Variants in DSTYK observed in about 807,000 individuals in gnomAD.
DSTYK encodes RIP-homologous kinase.
DSTYK carries 34 observed loss-of-function variants against 98.7 expected under a neutral mutation model. The ratio of observed to expected loss-of-function variants is 0.34; its 90% CI spans 0.26 to 0.46. The LOEUF is 0.46. Ranked by LOEUF, DSTYK falls within the 20% of genes least tolerant of loss-of-function variation. DSTYK has a pLI of 1.00. For synonymous variants in DSTYK, 462 were observed against 457.3 expected (o/e 1.01, Z -0.13); for missense variants, 962 against 1,181.7 (o/e 0.81, Z 2.73).
chr1:205,149,576 G>A (rs531621520), intron 11 of DSTYK, among the ~76,000 whole-genome samples: 8 of 152,168 alleles, frequency 5.3e-5, no homozygotes, highest in Admixed American at 2.6e-4. Context: ...AATTTCTCAC[G>A]TTTGTTTGTT....
At chr1:205,190,509 G>A (rs1458605758) in intron 1 of DSTYK, among the ~76,000 whole-genome samples, 1 of 151,590 alleles carries the variant, frequency 6.6e-6, no homozygotes, top group Non-Finnish European at 1.5e-5. Context: ...CCAGCTACTC[G>A]GGAGACTGAG....
chr1:205,209,426 C>T (rs1325489877), intron 1 of DSTYK, among the ~76,000 whole-genome samples: 1 of 152,106 alleles, frequency 6.6e-6, no homozygotes, highest in Admixed American at 6.6e-5. Flanking sequence ...TACTGGTTCT[C>T]TCTACAAGTC....
chr1:205,159,277 C>T (rs528398759), intron 9 of DSTYK, among the ~76,000 whole-genome samples: 10 of 152,148 alleles, frequency 6.6e-5, no homozygotes, highest in Middle Eastern at 3.4e-3. Flanking sequence ...TTTATAGAGA[C>T]GAAGTCTCCC....
chr1:205,171,394 T>C (rs1199218454), intron 2 of DSTYK, among the ~76,000 whole-genome samples: 2 of 146,076 alleles, frequency 1.4e-5, no homozygotes, highest in Non-Finnish European at 3.0e-5. Flanking sequence ...GAGGTTGCAG[T>C]GAGCTGAGAT....
intron 2 of DSTYK, among the ~76,000 whole-genome samples, chr1:205,170,167 G>A (rs1658017063): frequency 6.6e-6 from 1 of 152,184 alleles, no homozygotes; most frequent in Admixed American, 6.5e-5. Flanking sequence ...GACAAATAAT[G>A]GAAGAAAAAG....
intron 1 of DSTYK, among the ~76,000 whole-genome samples, chr1:205,194,355 C>G (rs1384064899): frequency 6.6e-6 from 1 of 152,090 alleles, no homozygotes; most frequent in Non-Finnish European, 1.5e-5. Flanking sequence ...AAGGTACAGT[C>G]TATGTCCAAG....
At position 205,145,094 on chromosome 1, in the gene DSTYK, C is replaced by T. The variant is rs1657184477; in HGVS notation, c.*2464G>A. 1 of 152,254 alleles carries T rather than the reference C, an allele frequency of 6.6e-6. No individual in the cohort carries two copies. The highest frequency in any genetic ancestry group is 1.5e-5 in the Non-Finnish European group (1 of 68,060). The allele number at this position is 152,254 out of a possible 1,614,324, so 9.4% of individuals were successfully genotyped here. On this transcript the variant is annotated 3_prime_UTR_variant, in exon 13 of 13. Transcript: ENST00000367162. ...TCCAGCAAGTAGAGAGTACTTACCC[C>T]TCCTTTCTTGACACCTGACTCCCTT...
rs1005902649 is a variant in DSTYK at position 205,162,866 on chromosome 1, T to C, written c.1641+57A>G. Reference sequence around the variant, plus strand: ...TATCTGTTTCCTACTGGGGTCACTATGATTCATTTGAGCCAACTAGGGGCT... The same window carrying C: ...TATCTGTTTCCTACTGGGGTCACTACGATTCATTTGAGCCAACTAGGGGCT... On this transcript the variant is annotated intron_variant, in intron 5 of 12. Coordinates refer to ENST00000367162, the MANE Select transcript of DSTYK (RefSeq NM_015375.3). The C allele has an allele frequency of 2.8e-5, 36 of 1,298,054 alleles. No homozygotes were observed. In the African/African-American group the frequency reaches 4.8e-4, roughly 17 times the overall value. The allele number at this position is 1,298,054 out of a possible 1,614,324, so 80.4% of individuals were successfully genotyped here. A position where few individuals can be genotyped will look rare whatever the true frequency, so the allele number is the denominator to read the frequency against.
chr1:205,201,613 G>T (rs1241307101), intron 1 of DSTYK, among the ~76,000 whole-genome samples: 1 of 152,094 alleles, frequency 6.6e-6, no homozygotes, highest in South Asian at 2.1e-4. Flanking sequence ...TCCACCAGCT[G>T]TGGAAATAAT....
chr1:205,150,765 A>G lies in DSTYK; in HGVS notation c.2382T>C (p.Thr794=). The stretch of plus-strand genomic sequence containing the variant: ...CCTCTGGCTTGCAGAATCCTAAGTC[A>G]GTGATCTTGGCACGGTTCTGCTTAT... ...LLDKQNRAKI[T]DLGFCKPEAM... is the part of the protein sequence containing the mutation. Residue 794 remains threonine (T), a synonymous_variant, in exon 11 of 13, where the codon ACT becomes ACC. Transcript: ENST00000367162. This position sits in a 1 kb window ranked among gnomAD's most constrained non-coding sequence, Gnocchi z 4.1. 6.2e-7 allele frequency: 1 copy of G among 1,614,160 alleles called. No homozygotes were observed.
chr1:205,192,314 T>C (rs1658735947), intron 1 of DSTYK, among the ~76,000 whole-genome samples: 1 of 151,814 alleles, frequency 6.6e-6, no homozygotes, highest in Non-Finnish European at 1.5e-5. Flanking sequence ...GATGGATGGA[T>C]GGAGCTCAGA....
intron 1 of DSTYK, among the ~76,000 whole-genome samples, chr1:205,199,739 C>T (rs948185048): frequency 6.6e-6 from 1 of 152,188 alleles, no homozygotes. Context: ...AGATTCCCTG[C>T]ACCATGTAGG....
intron 2 of DSTYK, among the ~76,000 whole-genome samples, chr1:205,182,843 C>G (rs1658455374): frequency 6.6e-6 from 1 of 151,154 alleles, no homozygotes; most frequent in Non-Finnish European, 1.5e-5. Flanking sequence ...TAAACCCCAA[C>G]AGATAACACC....
chr1:205,208,322 T>C (rs1220873093), intron 1 of DSTYK, among the ~76,000 whole-genome samples: 1 of 152,206 alleles, frequency 6.6e-6, no homozygotes, highest in Non-Finnish European at 1.5e-5. Flanking sequence ...CAATAAAAAT[T>C]TTTGGTATCA....
chr1:205,160,430 G>A (rs1657684424), intron 7 of DSTYK, among the ~76,000 whole-genome samples, 160 bp from the exon 8 acceptor site: 1 of 151,934 alleles, frequency 6.6e-6, no homozygotes, highest in African/African-American at 2.4e-5. Context: ...CTGCCTCCTG[G>A]GTTCAAGCGA....
At chr1:205,159,891 G>A (rs1011207907) in intron 8 of DSTYK, 2 of 785,172 alleles carry the variant, frequency 2.5e-6, no homozygotes, top group African/African-American at 1.8e-5. Flanking sequence ...TAAGGCTTAA[G>A]GACTAAAGAA....
At chr1:205,185,711 T>C (rs770886092) in intron 2 of DSTYK, among the ~76,000 whole-genome samples, 9 of 152,184 alleles carry the variant, frequency 5.9e-5, no homozygotes, top group Non-Finnish European at 1.2e-4. Flanking sequence ...AGAAAATGTA[T>C]GTCTTACAGT....
chr1:205,194,759 G>C (rs1243891451), intron 1 of DSTYK, among the ~76,000 whole-genome samples: 1 of 151,872 alleles, frequency 6.6e-6, no homozygotes, highest in Admixed American at 6.6e-5. Flanking sequence ...GCAGTAGCAT[G>C]ATCTTGGGTC....
At chr1:205,154,442 G>A (rs916604166) in intron 10 of DSTYK, among the ~76,000 whole-genome samples, 7 of 152,104 alleles carry the variant, frequency 4.6e-5, no homozygotes, top group Non-Finnish European at 1.0e-4. Flanking sequence ...TCTCCTTGCT[G>A]CCACCATGTG....
Sources: allele counts gnomAD v4.1 joint callset (sites outside exome capture counted in the v4.1 genomes callset), GRCh38; gene constraint gnomAD v4.1.1; non-coding constraint Gnocchi (gnomAD v3.1); transcripts MANE v1.5; gene names NCBI Gene and HGNC (gene_info 2026-07-23, HGNC 2026-07-21).